HGD: variants seen among roughly 807,000 people sequenced by gnomAD.
HGD encodes homogentisate 1,2-dioxygenase, also known as homogentisate oxidase.
In HGD, 61 loss-of-function variants were observed where a neutral mutation model predicts 60.8. That is an observed-to-expected ratio of 1.00 (90% CI 0.82 to 1.24). The LOEUF (loss-of-function observed/expected upper bound fraction) is 1.24. HGD is among the 50% of genes most tolerant of loss of function. HGD has a pLI of 0.00. For missense variants in HGD, 542 were observed against 547.1 expected (o/e 0.99, Z 0.09); for synonymous variants, 212 against 187.7 (o/e 1.13, Z -1.06).
At chr3:120,669,624 A>G (rs61795573) in intron 4 of HGD, among the ~76,000 whole-genome samples, 56,373 of 152,014 alleles carry the variant, frequency 0.37, 10,733 homozygotes, top group African/African-American at 0.41. Context: ...GTGACACACT[A>G]TTAAAACTGT....
At chr3:120,629,061 A>C (rs1377037496) in intron 13 of HGD, among the ~76,000 whole-genome samples, 1 of 152,140 alleles carries the variant, frequency 6.6e-6, no homozygotes, top group Non-Finnish European at 1.5e-5. Context: ...GGAAAAGGGA[A>C]AAAGGGAGTG....
chr3:120,653,550 CA>C (rs1941405588), intron 4 of HGD, among the ~76,000 whole-genome samples: 1 of 152,146 alleles, frequency 6.6e-6, no homozygotes, highest in African/African-American at 2.4e-5. Context: ...AAGGAAGCAG[CA>C]AGTGGAAAAG....
At chr3:120,664,980 G>C (rs1392249414) in intron 4 of HGD, among the ~76,000 whole-genome samples, 4 of 152,196 alleles carry the variant, frequency 2.6e-5, no homozygotes, top group Non-Finnish European at 5.9e-5. Flanking sequence ...ATCTGGGCAG[G>C]CTGAATTGCA....
chr3:120,644,249 C>A, intron 10 of HGD, 70 bp downstream of exon 10: 2 of 1,585,070 alleles, frequency 1.3e-6, no homozygotes, highest in Admixed American at 1.7e-5. Context: ...TTGTAACACT[C>A]GCCTTGGCAA....
At chr3:120,657,748 G>A (rs539429065) in intron 4 of HGD, among the ~76,000 whole-genome samples, 7 of 152,144 alleles carry the variant, frequency 4.6e-5, no homozygotes, top group South Asian at 2.1e-4. Context: ...CTGAGGAGGC[G>A]TCAAGAAATG....
chr3:120,680,241 G>T (rs554847042), intron 1 of HGD, among the ~76,000 whole-genome samples: 1 of 151,918 alleles, frequency 6.6e-6, no homozygotes, highest in Non-Finnish European at 1.5e-5. Flanking sequence ...TTTCATTTAC[G>T]GCTTTGTGTT....
At chr3:120,644,228 A>C in intron 10 of HGD, 91 bp downstream of exon 10, 1 of 1,437,654 alleles carries the variant, frequency 7.0e-7, no homozygotes, top group Non-Finnish European at 9.7e-7. Context: ...ACGAAAGGAT[A>C]TATGTAAAGT....
At chr3:120,656,625 C>T (rs759676770) in intron 4 of HGD, among the ~76,000 whole-genome samples, 24 of 151,836 alleles carry the variant, frequency 1.6e-4, no homozygotes, top group Admixed American at 6.6e-5. Flanking sequence ...GATATTGGCT[C>T]ACTGCAACCT....
chr3:120,654,242 T>A (rs1329859382), intron 4 of HGD, among the ~76,000 whole-genome samples: 2 of 152,100 alleles, frequency 1.3e-5, no homozygotes, highest in African/African-American at 4.8e-5. Flanking sequence ...GTAGAAGGGA[T>A]TTAAGTATCA....
chr3:120,666,363 C>G (rs1425186028), intron 4 of HGD, among the ~76,000 whole-genome samples: 1 of 152,044 alleles, frequency 6.6e-6, no homozygotes, highest in Non-Finnish European at 1.5e-5. Context: ...AGGACAAAAG[C>G]AAAGCCATTC....
In HGD at chr3:120,650,849, C is replaced by A. The variant is rs752153829; in HGVS notation, c.359G>T (p.Cys120Phe). Residue 120 changes from cysteine to phenylalanine, a missense_variant, in exon 6 of 14, where the codon TGT (cysteine) becomes TTT (phenylalanine). By Grantham distance (205) the Cys-to-Phe change is radical. This residue lies in a region of HGD where 537 missense variants were observed against 529.1 expected (regional missense o/e 1.01). Transcript: ENST00000283871. The part of the protein sequence containing the change: ...VDFVSGLHTL[C>F]GAGDIKSNNG... ...GTTAGACTTTATGTCTCCAGCTCCA[C>A]ACAAGGTATGCAGGCCCTGGGAGAG... 79 of 1,613,840 alleles carry A rather than the reference C, an allele frequency of 4.9e-5. No homozygotes were observed. The highest frequency in any genetic ancestry group is 6.4e-5 in the Non-Finnish European group (75 of 1,179,826).
chr3:120,667,891 T>C (rs1297068402), intron 4 of HGD, among the ~76,000 whole-genome samples: 1 of 152,222 alleles, frequency 6.6e-6, no homozygotes, highest in Non-Finnish European at 1.5e-5. Flanking sequence ...ACATAATTAC[T>C]ATACCCATAT....
intron 4 of HGD, among the ~76,000 whole-genome samples, chr3:120,666,024 T>C (rs557678000): frequency 1.4e-4 from 22 of 152,126 alleles, no homozygotes; most frequent in African/African-American, 5.1e-4. Flanking sequence ...AAGTATAAAA[T>C]TGGAAAGAGA....
In HGD at chr3:120,670,531, A is replaced by G. The variant is rs775113388; in HGVS notation, c.178T>C (p.Trp60Arg). 5 of 1,546,358 alleles carry G rather than the reference A, an allele frequency of 3.2e-6. No homozygotes were observed. In the East Asian group the frequency reaches 1.1e-4, roughly 35 times the overall value. ...TCPRSTNKRS[W>R]LYRILPSVSH... is the part of the protein sequence containing the mutation. ...ACTGAAGGTAGAATCCTATACAGCC[A>G]GCTAGAGGGAAAAACATACAAGATA... The change falls in exon 4 of 14, where the codon TGG becomes CGG. Residue 60 changes from tryptophan (W) to arginine (R), a missense_variant and splice_region_variant. Trp to Arg is a moderately radical substitution (Grantham distance 101). This residue lies in a region of HGD where 537 missense variants were observed against 529.1 expected (regional missense o/e 1.01). Transcript: ENST00000283871.
At chr3:120,634,398 C>T (rs1940693083) in intron 12 of HGD, among the ~76,000 whole-genome samples, 1 of 152,050 alleles carries the variant, frequency 6.6e-6, no homozygotes, top group Admixed American at 6.5e-5. Flanking sequence ...AATATAACAC[C>T]TGGGCAAATT....
intron 4 of HGD, among the ~76,000 whole-genome samples, chr3:120,661,933 T>C (rs1707777944): frequency 6.6e-6 from 1 of 152,228 alleles, no homozygotes; most frequent in Non-Finnish European, 1.5e-5. Context: ...ATGAAGATGA[T>C]AGAGACATAG....
intron 4 of HGD, among the ~76,000 whole-genome samples, chr3:120,666,115 G>A (rs960507447): frequency 6.6e-6 from 1 of 152,176 alleles, no homozygotes; most frequent in African/African-American, 2.4e-5. Flanking sequence ...CATGGAGAGA[G>A]AAGTAGTTGG....
intron 13 of HGD, among the ~76,000 whole-genome samples, chr3:120,632,508 C>T (rs1314188857): frequency 2.0e-5 from 3 of 152,198 alleles, no homozygotes; most frequent in Admixed American, 1.3e-4. Flanking sequence ...CAGTTGCATC[C>T]ATGCCAAAGC....
chr3:120,660,173 T>C (rs1255827288), intron 4 of HGD, among the ~76,000 whole-genome samples: 1 of 152,180 alleles, frequency 6.6e-6, no homozygotes, highest in African/African-American at 2.4e-5. Context: ...CAGAAGCCAC[T>C]ATGCTTCCTG....
Sources: allele counts gnomAD v4.1 joint callset (sites outside exome capture counted in the v4.1 genomes callset), GRCh38; gene constraint gnomAD v4.1.1; regional missense constraint gnomAD v4.1.1; transcripts MANE v1.5; gene names NCBI Gene and HGNC (gene_info 2026-07-23, HGNC 2026-07-21).